Variants in PIWIL2 observed in about 807,000 individuals in gnomAD.
PIWIL2 encodes piwi-like protein 2.
PIWIL2 carries 81 observed loss-of-function variants against 116.5 expected under a neutral mutation model. The observed-to-expected ratio is 0.70, with a 90% CI of 0.58 to 0.84. PIWIL2 has a LOEUF of 0.84. PIWIL2 is among the 40% of genes least tolerant of loss of function. The pLI, the probability that PIWIL2 is intolerant of heterozygous loss-of-function variation, is 0.00. For synonymous variants in PIWIL2, 489 were observed against 429.5 expected, an observed-to-expected ratio of 1.14 and a Z score of -1.71; for missense variants, 1,272 against 1,212.3, an observed-to-expected ratio of 1.05 and a Z score of -0.73.
intron 1 of PIWIL2, among the ~76,000 whole-genome samples, chr8:22,276,306 C>G (rs991298008): frequency 1.3e-5 from 2 of 152,014 alleles, no homozygotes; most frequent in African/African-American, 4.8e-5. Context: ...CTTAAGACAG[C>G]TTTTTTGTTT....
chr8:22,290,305 C>G lies in PIWIL2; in HGVS notation c.1140C>G (p.Val380=). 1.2e-6 allele frequency: 2 copies of G among 1,611,904 alleles called. No individual in the cohort carries two copies. The highest frequency in any genetic ancestry group is 1.7e-6 in the Non-Finnish European group (2 of 1,178,114). The change falls in exon 10 of 23, where the codon GTC becomes GTG. Residue 380 remains valine (V), a synonymous_variant. Transcript: ENST00000356766. ...TDGGLFLLAD[V]SHKVIRNDCV... ...GAGGGCTCTTCCTGCTAGCTGATGTCTCCCATAAGGTCATTCGGAATGACT... is the reference window on the plus strand; with the variant it reads ...GAGGGCTCTTCCTGCTAGCTGATGTGTCCCATAAGGTCATTCGGAATGACT...
At chr8:22,291,827 T>A (rs1794630621) in intron 10 of PIWIL2, among the ~76,000 whole-genome samples, 1 of 152,110 alleles carries the variant, frequency 6.6e-6, no homozygotes, top group African/African-American at 2.4e-5. Flanking sequence ...GAGCCTCTGT[T>A]GTTACCAGGG....
chr8:22,334,754 G>A (rs1223808010), intron 20 of PIWIL2, among the ~76,000 whole-genome samples: 1 of 151,868 alleles, frequency 6.6e-6, no homozygotes, highest in Non-Finnish European at 1.5e-5. Context: ...CAAGATTATT[G>A]TAAATTAAGA....
intron 8 of PIWIL2, among the ~76,000 whole-genome samples, chr8:22,288,974 G>C (rs1830693680): frequency 6.6e-6 from 1 of 152,030 alleles, no homozygotes; most frequent in African/African-American, 2.4e-5. Flanking sequence ...GTAACAAGGG[G>C]GCTACTTAAA....
At chr8:22,300,020 A>G (rs533117197) in intron 10 of PIWIL2, among the ~76,000 whole-genome samples, 5 of 151,702 alleles carry the variant, frequency 3.3e-5, no homozygotes, top group African/African-American at 9.7e-5. Flanking sequence ...GCTCGCTGCA[A>G]CCTCCATCTC....
intron 20 of PIWIL2, among the ~76,000 whole-genome samples, chr8:22,339,732 G>A (rs996295447): frequency 2.0e-4 from 31 of 152,176 alleles, no homozygotes; most frequent in Admixed American, 1.2e-3. Context: ...GATACATATG[G>A]AAAGGCTCTA....
chr8:22,278,503 G>C (rs1310041019), intron 1 of PIWIL2, among the ~76,000 whole-genome samples: 1 of 152,176 alleles, frequency 6.6e-6, no homozygotes, highest in Non-Finnish European at 1.5e-5. Flanking sequence ...CTGGGCGACA[G>C]AAGGAGACCC....
Position 22,355,723 on chromosome 8 carries a change from A to G in PIWIL2, c.*218A>G. The stretch of plus-strand genomic sequence containing the variant: ...GAAAATGGCCTTGTTGCCTGTGTAG[A>G]GCAAGTTACGGTGGTACTGCCACTC... On this transcript the variant is annotated 3_prime_UTR_variant, in exon 23 of 23. Transcript: ENST00000356766. 1.8e-6 allele frequency: 1 copy of G among 549,964 alleles called. No individual in the cohort carries two copies. The highest frequency in any genetic ancestry group is 2.2e-5 in the South Asian group (1 of 45,794). The allele number at this position is 549,964 out of a possible 1,614,324, so 34.1% of individuals were successfully genotyped here.
Position 22,304,190 on chromosome 8 carries a change from A to C in PIWIL2, c.1351A>C (p.Thr451Pro), listed in dbSNP as rs990719881. ...SFTMSDGKEITFLEYYSKNYG... is the reference protein window; with the variant it reads ...SFTMSDGKEIPFLEYYSKNYG... Reference sequence around the variant, plus strand: ...CACGATGTCTGATGGGAAAGAGATCACATTCTTGGAATACTACAGGTAGCA... The same window carrying C: ...CACGATGTCTGATGGGAAAGAGATCCCATTCTTGGAATACTACAGGTAGCA... Residue 451 changes from threonine to proline, a missense_variant, in exon 11 of 23, where the codon ACA (threonine) becomes CCA (proline). Thr to Pro is a conservative substitution (Grantham distance 38, BLOSUM62 -1). Transcript: ENST00000356766. 4.3e-6 allele frequency: 7 copies of C among 1,613,156 alleles called. No homozygotes were observed. Among genetic ancestry groups the C allele is most frequent in the Non-Finnish European group, 5.9e-6 (7 of 1,179,410 alleles).
At chr8:22,301,620 T>A (rs976322400) in intron 10 of PIWIL2, among the ~76,000 whole-genome samples, 6 of 152,196 alleles carry the variant, frequency 3.9e-5, no homozygotes, top group Non-Finnish European at 8.8e-5. Context: ...GGAGTAGACA[T>A]TTTTAATTCT....
intron 4 of PIWIL2, among the ~76,000 whole-genome samples, chr8:22,281,865 A>G (rs1830512118): frequency 7.0e-6 from 1 of 143,408 alleles, no homozygotes; most frequent in African/African-American, 2.6e-5. Context: ...TCCGCCTCCC[A>G]GGTTCAAGCA....
intron 20 of PIWIL2, among the ~76,000 whole-genome samples, chr8:22,323,143 CTTT>C (rs138180864): frequency 1.3e-5 from 1 of 78,022 alleles, no homozygotes. Flanking sequence ...TAGTCTTGAT[CTTT>C]TTTTTTTTTT....
At chr8:22,327,712 G>C (rs762096684) in intron 20 of PIWIL2, among the ~76,000 whole-genome samples, 1 of 152,058 alleles carries the variant, frequency 6.6e-6, no homozygotes, top group African/African-American at 2.4e-5. Flanking sequence ...TTTGACTTGC[G>C]TTTCTTAATG....
intron 10 of PIWIL2, among the ~76,000 whole-genome samples, chr8:22,300,429 C>T (rs1410006404): frequency 1.3e-5 from 2 of 152,164 alleles, no homozygotes; most frequent in Non-Finnish European, 2.9e-5. Context: ...CAGGTTCTTT[C>T]CAGCTTTTGG....
chr8:22,279,261 A>T, intron 1 of PIWIL2, 80 bp from the exon 2 acceptor site: 2 of 739,168 alleles, frequency 2.7e-6, no homozygotes, highest in Non-Finnish European at 4.7e-6. Context: ...GACTCAAAAT[A>T]CTATTTTAAT....
chr8:22,281,194 A>G lies in PIWIL2; in HGVS notation c.273A>G (p.Glu91=). 1 of 1,611,218 alleles carries G rather than the reference A, an allele frequency of 6.2e-7. No homozygotes were observed. The highest frequency in any genetic ancestry group is 8.5e-7 in the Non-Finnish European group (1 of 1,178,238). Residue 91 remains glutamate, a synonymous_variant, in exon 3 of 23, where the codon GAA becomes GAG. Transcript: ENST00000356766. ...TTTCTAAGACCCCTCTGAAACGGGAAATGCTTCCATCAGGTATGTGGAAAA... is the reference window on the plus strand; with the variant it reads ...TTTCTAAGACCCCTCTGAAACGGGAGATGCTTCCATCAGGTATGTGGAAAA... ...ETVSKTPLKR[E]MLPSGRGILG...
At chr8:22,284,403 A>T (rs1369077961) in intron 6 of PIWIL2, 131 bp downstream of exon 6, 1 of 500,866 alleles carries the variant, frequency 2.0e-6, no homozygotes, top group Non-Finnish European at 3.5e-6. Context: ...GTTTACTCAG[A>T]TCCTTACAGG....
intron 20 of PIWIL2, among the ~76,000 whole-genome samples, chr8:22,335,901 A>C (rs192225082): frequency 7.9e-4 from 121 of 152,298 alleles, no homozygotes; most frequent in Non-Finnish European, 1.5e-3. Flanking sequence ...AAGTAGAGAC[A>C]AGGAGTGACA....
intron 10 of PIWIL2, among the ~76,000 whole-genome samples, chr8:22,295,584 G>C (rs548249881): frequency 1.3e-5 from 2 of 152,028 alleles, no homozygotes; most frequent in African/African-American, 4.8e-5. Flanking sequence ...GACCCTCTCA[G>C]TGTAGCTGCT....
Sources: gnomAD v4.1 joint callset for allele counts (sites outside exome capture counted in the v4.1 genomes callset) on GRCh38, gnomAD v4.1.1 for gene constraint, MANE v1.5 for transcripts, NCBI Gene and HGNC (gene_info 2026-07-23, HGNC 2026-07-21) for gene names.